The following CFAP20DC variants were observed in gnomAD, a reference collection of about 807,000 sequenced individuals.
The protein encoded by CFAP20DC is CFAP20 domain containing.
Under a neutral mutation model 101.7 loss-of-function variants are expected in CFAP20DC, and 84 were observed. The observed-to-expected ratio is 0.83, with a 90% CI of 0.69 to 0.99. The LOEUF (loss-of-function observed/expected upper bound fraction) is 0.99, where lower values mean the gene tolerates loss of function less well. Among genes scored for constraint, CFAP20DC ranks in the 50% least tolerant of loss-of-function variants. CFAP20DC has a pLI of 0.00. For synonymous variants in CFAP20DC, 359 were observed against 351.2 expected, an observed-to-expected ratio of 1.02 and a Z score of -0.25; for missense variants, 1,007 against 970.3, an observed-to-expected ratio of 1.04 and a Z score of -0.50.
chr3:59,032,303 T>G (rs2094009517), intron 4 of CFAP20DC, among the ~76,000 whole-genome samples: 1 of 146,764 alleles, frequency 6.8e-6, no homozygotes, highest in Non-Finnish European at 1.5e-5. Context: ...GCTGCAGGAG[T>G]TTTTTTTTCA....
At position 58,913,679 on chromosome 3, in the gene CFAP20DC, A is replaced by T. The variant is rs976277179; in HGVS notation, c.550+29T>A. Reference sequence around the variant, plus strand: ...AATTTTAAAAATACATCAGAGAATTAAAAAATCTTGATAGCAACCTGAACA... The same window carrying T: ...AATTTTAAAAATACATCAGAGAATTTAAAAATCTTGATAGCAACCTGAACA... On this transcript the variant is annotated intron_variant, in intron 6 of 16. Transcript: ENST00000482387. This position sits in a 1 kb window ranked among gnomAD's most constrained non-coding sequence, Gnocchi z 4.4. 3.1e-6 allele frequency: 5 copies of T among 1,610,646 alleles called. No homozygotes were observed. The highest frequency in any genetic ancestry group is 2.2e-5 in the East Asian group (1 of 44,838).
At chr3:58,723,203 T>C (rs1435252872) in intron 3 of CFAP20DC, among the ~76,000 whole-genome samples, 1 of 152,266 alleles carries the variant, frequency 6.6e-6, no homozygotes, top group Non-Finnish European at 1.5e-5. Flanking sequence ...TAACTGTGAA[T>C]AAATTGCTTA....
intron 5 of CFAP20DC, among the ~76,000 whole-genome samples, chr3:58,932,287 C>G (rs1217521923): frequency 2.6e-5 from 4 of 152,198 alleles, no homozygotes; most frequent in Non-Finnish European, 4.4e-5. Context: ...AAGACCAAAT[C>G]TACGTTTGAT....
At chr3:58,767,714 A>G (rs111991321) in intron 15 of CFAP20DC, among the ~76,000 whole-genome samples, 11 of 152,302 alleles carry the variant, frequency 7.2e-5, no homozygotes, top group African/African-American at 2.4e-4. Flanking sequence ...CTGGACTTGA[A>G]TAAGTATTAA....
intron 6 of CFAP20DC, among the ~76,000 whole-genome samples, chr3:58,889,861 G>C (rs1398767642): frequency 2.0e-3 from 248 of 126,498 alleles, no homozygotes; most frequent in Middle Eastern, 7.6e-3. Context: ...GAGAGCACAG[G>C]GTTGGGGGTA....
intron 4 of CFAP20DC, among the ~76,000 whole-genome samples, chr3:58,939,451 A>G (rs1410733720): frequency 6.6e-6 from 1 of 152,022 alleles, no homozygotes; most frequent in Non-Finnish European, 1.5e-5. Context: ...ATTTTTTAAA[A>G]TTTTATTTTT....
At chr3:59,005,573 G>A (rs543440215) in intron 4 of CFAP20DC, among the ~76,000 whole-genome samples, 8 of 152,058 alleles carry the variant, frequency 5.3e-5, no homozygotes, top group Non-Finnish European at 7.4e-5. Context: ...TAAGCTTTCC[G>A]CTTATATTCA....
chr3:58,954,062 C>T (rs1265925374), intron 4 of CFAP20DC, among the ~76,000 whole-genome samples: 1 of 152,158 alleles, frequency 6.6e-6, no homozygotes, highest in Non-Finnish European at 1.5e-5. Context: ...GTTTATAACT[C>T]AGCTATGGTC....
chr3:58,829,338 A>AG (rs1327035694), intron 14 of CFAP20DC, among the ~76,000 whole-genome samples: 2 of 151,122 alleles, frequency 1.3e-5, no homozygotes, highest in African/African-American at 2.4e-5. Flanking sequence ...AAAAAAAAAA[A>AG]GGGATATTAT....
chr3:58,922,376 T>C (rs376463519), intron 5 of CFAP20DC, among the ~76,000 whole-genome samples: 19 of 152,236 alleles, frequency 1.2e-4, no homozygotes, highest in African/African-American at 4.1e-4. Flanking sequence ...TATGGCTTAT[T>C]TGGCCCCACC....
At chr3:58,807,898 C>T (rs866768304) in intron 14 of CFAP20DC, among the ~76,000 whole-genome samples, 8 of 152,044 alleles carry the variant, frequency 5.3e-5, no homozygotes, top group South Asian at 2.1e-4. Flanking sequence ...AGCCAAGGCT[C>T]GAGAACTACG....
intron 4 of CFAP20DC, among the ~76,000 whole-genome samples, chr3:58,986,437 C>T (rs944650293): frequency 2.6e-5 from 4 of 152,012 alleles, no homozygotes; most frequent in African/African-American, 9.7e-5. Flanking sequence ...GAAGCTAGAA[C>T]TGAGCCTCCT....
At chr3:58,950,466 C>T (rs2089971571) in intron 4 of CFAP20DC, among the ~76,000 whole-genome samples, 1 of 152,078 alleles carries the variant, frequency 6.6e-6, no homozygotes, top group African/African-American at 2.4e-5. Context: ...AATCCTAAGC[C>T]AAAAGAACAA....
intron 15 of CFAP20DC, among the ~76,000 whole-genome samples, chr3:58,798,466 T>C (rs1181963947): frequency 2.0e-5 from 3 of 152,226 alleles, no homozygotes; most frequent in Non-Finnish European, 4.4e-5. Context: ...GAACTGCTTC[T>C]TATGGTAAGC....
At chr3:58,931,336 G>T (rs927444272) in intron 5 of CFAP20DC, among the ~76,000 whole-genome samples, 2 of 152,202 alleles carry the variant, frequency 1.3e-5, no homozygotes, top group Non-Finnish European at 2.9e-5. Flanking sequence ...CTCCACCTTT[G>T]GGGGCAGGGC....
chr3:58,853,631 C>A (rs940976830), intron 12 of CFAP20DC, among the ~76,000 whole-genome samples: 35 of 152,130 alleles, frequency 2.3e-4, no homozygotes, highest in African/African-American at 8.0e-4. Flanking sequence ...AAATGCTTAT[C>A]CACCATGATC....
chr3:58,760,538 C>T (rs1341388417), intron 15 of CFAP20DC, among the ~76,000 whole-genome samples: 1 of 152,114 alleles, frequency 6.6e-6, no homozygotes, highest in Non-Finnish European at 1.5e-5. Flanking sequence ...CCTTCTCCTG[C>T]CTGATTGCCC....
intron 13 of CFAP20DC, among the ~76,000 whole-genome samples, chr3:58,833,463 CACAT>C (rs1295637140): frequency 1.3e-5 from 2 of 152,092 alleles, no homozygotes; most frequent in Non-Finnish European, 2.9e-5. Flanking sequence ...GGACAATAAA[CACAT>C]ACAAAGATGT....
intron 4 of CFAP20DC, among the ~76,000 whole-genome samples, chr3:58,976,952 T>C (rs2092305409): frequency 1.3e-5 from 2 of 152,184 alleles, no homozygotes; most frequent in South Asian, 4.1e-4. Context: ...GGGAAATAAT[T>C]GTCTTACTTG....
Sources: gnomAD v4.1 joint callset for allele counts (sites outside exome capture counted in the v4.1 genomes callset) on GRCh38, gnomAD v4.1.1 for gene constraint, Gnocchi (gnomAD v3.1) non-coding constraint, MANE v1.5 for transcripts, NCBI Gene and HGNC (gene_info 2026-07-23, HGNC 2026-07-21) for gene names.